Variants in GRB14 observed in about 807,000 individuals in gnomAD.
The protein encoded by GRB14 is growth factor receptor-bound protein 14.
In GRB14, 38 loss-of-function variants were observed where a neutral mutation model predicts 69.1. The observed-to-expected ratio is 0.55, with a 90% CI of 0.42 to 0.72. GRB14 has a LOEUF of 0.72. Ranked by LOEUF, GRB14 falls within the 30% of genes least tolerant of loss-of-function variation. GRB14 has a pLI of 0.00. For missense variants in GRB14, 666 were observed against 666.1 expected (o/e 1.00, Z 0.00); for synonymous variants, 247 against 241.3 (o/e 1.02, Z -0.22).
chr2:164,539,348 G>A (rs993211801), intron 3 of GRB14, among the ~76,000 whole-genome samples: 2 of 151,862 alleles, frequency 1.3e-5, no homozygotes, highest in East Asian at 3.9e-4. Context: ...GATGGTGCAC[G>A]CCTGAAATCC....
chr2:164,620,763 A>T (rs1454991127), intron 1 of GRB14, among the ~76,000 whole-genome samples: 1 of 152,190 alleles, frequency 6.6e-6, no homozygotes, highest in African/African-American at 2.4e-5. Flanking sequence ...GAATACATTT[A>T]TGCTACGATT....
intron 1 of GRB14, among the ~76,000 whole-genome samples, chr2:164,620,600 T>A (rs1347844928): frequency 6.6e-6 from 1 of 152,136 alleles, no homozygotes; most frequent in African/African-American, 2.4e-5. Context: ...TTTCCGAAAG[T>A]ATGTGCAACT....
intron 9 of GRB14, among the ~76,000 whole-genome samples, chr2:164,501,359 C>T (rs911232864): frequency 1.3e-5 from 2 of 151,872 alleles, no homozygotes; most frequent in Non-Finnish European, 2.9e-5. Context: ...ATGCACCTTC[C>T]CTGGTCACAT....
intron 2 of GRB14, among the ~76,000 whole-genome samples, chr2:164,594,766 T>G (rs1163873947): frequency 6.6e-6 from 1 of 152,186 alleles, no homozygotes; most frequent in Non-Finnish European, 1.5e-5. Context: ...CGTGTACACA[T>G]TTTAACTTAC....
intron 2 of GRB14, among the ~76,000 whole-genome samples, chr2:164,611,652 A>G (rs1480579348): frequency 6.6e-6 from 1 of 150,802 alleles, no homozygotes; most frequent in East Asian, 1.9e-4. Flanking sequence ...CTTTAACTTC[A>G]CCACTTGAGC....
intron 8 of GRB14, among the ~76,000 whole-genome samples, chr2:164,503,167 G>A (rs1023280985): frequency 2.1e-5 from 2 of 95,356 alleles, no homozygotes; most frequent in East Asian, 7.0e-4. Flanking sequence ...AAGCTACTTT[G>A]TTAAAAAAAA....
intron 2 of GRB14, among the ~76,000 whole-genome samples, chr2:164,553,877 C>T (rs12994144): frequency 0.1 from 15,962 of 152,094 alleles, 950 homozygotes; most frequent in Middle Eastern, 0.17. Flanking sequence ...TCGCTTGAAC[C>T]CAGGAGGCGG....
chr2:164,617,509 C>A (rs1017787209), intron 2 of GRB14, among the ~76,000 whole-genome samples: 4 of 152,014 alleles, frequency 2.6e-5, no homozygotes, highest in African/African-American at 7.2e-5. Flanking sequence ...TGATGACTAT[C>A]CACACTTAGG....
chr2:164,574,023 T>C (rs763390980), intron 2 of GRB14: 98 of 1,422,566 alleles, frequency 6.9e-5, no homozygotes, highest in Non-Finnish European at 8.4e-5. Context: ...ATTCTTAACA[T>C]AGATTGTTGC....
chr2:164,527,653 A>G (rs774013626), intron 3 of GRB14, among the ~76,000 whole-genome samples: 34 of 152,174 alleles, frequency 2.2e-4, no homozygotes, highest in Admixed American at 5.2e-4. Context: ...AATGCTTTAA[A>G]GGAAAATTTT....
chr2:164,563,228 A>G (rs1474809443), intron 2 of GRB14, among the ~76,000 whole-genome samples: 2 of 152,206 alleles, frequency 1.3e-5, no homozygotes, highest in Admixed American at 6.5e-5. Flanking sequence ...CTCAAAAAGC[A>G]TAGCTACATT....
chr2:164,530,864 A>T (rs1205032697), intron 3 of GRB14, among the ~76,000 whole-genome samples: 1 of 152,218 alleles, frequency 6.6e-6, no homozygotes, highest in African/African-American at 2.4e-5. Context: ...ACATGAACTA[A>T]CAAGTTTCAA....
At chr2:164,533,879 A>C (rs1365411761) in intron 3 of GRB14, among the ~76,000 whole-genome samples, 2 of 152,228 alleles carry the variant, frequency 1.3e-5, no homozygotes, top group Non-Finnish European at 2.9e-5. Flanking sequence ...CTACATGCAA[A>C]TAAAAACCAG....
intron 2 of GRB14, among the ~76,000 whole-genome samples, chr2:164,558,288 A>T (rs1688731273): frequency 6.6e-6 from 1 of 152,220 alleles, no homozygotes. Context: ...TCAATTTGAC[A>T]AAGAGAAATT....
intron 2 of GRB14, among the ~76,000 whole-genome samples, chr2:164,602,176 A>AGAAGG (rs560993037): frequency 1.3e-4 from 19 of 147,444 alleles, no homozygotes; most frequent in Admixed American, 9.5e-4. Flanking sequence ...AGAAGGGAAG[A>AGAAGG]GAAGGGAAGG....
chr2:164,603,738 C>A (rs1689982461), intron 2 of GRB14, among the ~76,000 whole-genome samples: 1 of 150,876 alleles, frequency 6.6e-6, no homozygotes, highest in African/African-American at 2.4e-5. Flanking sequence ...AAATAAGACA[C>A]ACAAAAGTAC....
At chr2:164,526,986 C>T (rs377502946) in intron 4 of GRB14, 28 bp downstream of exon 4, 86 of 1,500,362 alleles carry the variant, frequency 5.7e-5, no homozygotes, top group African/African-American at 3.2e-4. Flanking sequence ...ATTTATTTTC[C>T]GTAACTATTA....
intron 3 of GRB14, among the ~76,000 whole-genome samples, chr2:164,538,772 T>C (rs1364956549): frequency 6.6e-6 from 1 of 152,222 alleles, no homozygotes; most frequent in Non-Finnish European, 1.5e-5. Flanking sequence ...ATTCATGTTT[T>C]GTACAAATTC....
chr2:164,502,131 C>T, intron 9 of GRB14, 124 bp downstream of exon 9: 6 of 534,940 alleles, frequency 1.1e-5, no homozygotes, highest in East Asian at 3.0e-5. Flanking sequence ...TAGAATGGTG[C>T]CAAAGAGTTA....
Sources: allele counts gnomAD v4.1 joint callset (sites outside exome capture counted in the v4.1 genomes callset), GRCh38; gene constraint gnomAD v4.1.1; transcripts MANE v1.5; gene names NCBI Gene and HGNC (gene_info 2026-07-23, HGNC 2026-07-21).